Variants in GALNT14 observed in about 807,000 individuals in gnomAD.
The protein encoded by GALNT14 is UDP-GalNAc:polypeptide N-acetylgalactosaminyltransferase 14.
A neutral mutation model predicts 77.5 loss-of-function variants in GALNT14; 60 were observed. The ratio of observed to expected loss-of-function variants is 0.77; its 90% confidence interval spans 0.63 to 0.96. GALNT14 has a LOEUF of 0.96. Ranked by LOEUF, GALNT14 falls within the 40% of genes least tolerant of loss-of-function variation. The pLI, the probability that GALNT14 is intolerant of heterozygous loss-of-function variation, is 0.00. For synonymous variants in GALNT14, 280 were observed against 281.7 expected (o/e 0.99, Z 0.06); for missense variants, 710 against 731.0 (o/e 0.97, Z 0.33).
chr2:31,025,699 G>C (rs1672006631), intron 1 of GALNT14, among the ~76,000 whole-genome samples: 2 of 152,170 alleles, frequency 1.3e-5, no homozygotes, highest in African/African-American at 4.8e-5. Context: ...GTGCATGTGA[G>C]TTCTCCAGAG....
chr2:30,914,141 C>A (rs1208921194), intron 13 of GALNT14, among the ~76,000 whole-genome samples: 3 of 152,220 alleles, frequency 2.0e-5, no homozygotes, highest in African/African-American at 7.2e-5. Context: ...CAACTTTACA[C>A]AGATTGATTA....
intron 1 of GALNT14, among the ~76,000 whole-genome samples, chr2:31,024,085 C>G (rs1671898510): frequency 8.0e-6 from 1 of 124,614 alleles, no homozygotes; most frequent in East Asian, 2.8e-4. Context: ...TTCCCATTTC[C>G]CCAGCCTTGA....
At chr2:30,902,532 T>G in the GALNT14 span, among the ~76,000 whole-genome samples, 1,670 of 152,202 alleles carry the variant, frequency 0.011, 36 homozygotes, top group African/African-American at 0.039. Flanking sequence ...CACATCAAAA[T>G]AGGCTGAGAT....
intron 1 of GALNT14, among the ~76,000 whole-genome samples, chr2:31,008,397 A>T (rs1030468900): frequency 2.0e-5 from 3 of 152,116 alleles, no homozygotes; most frequent in Non-Finnish European, 4.4e-5. Flanking sequence ...GCACCCTGCC[A>T]ACCCTCAGAT....
chr2:31,046,383 C>G (rs556347474), intron 1 of GALNT14, among the ~76,000 whole-genome samples: 1 of 152,060 alleles, frequency 6.6e-6, no homozygotes, highest in Non-Finnish European at 1.5e-5. Flanking sequence ...CGTGCCACCA[C>G]GCCCAGCTAA....
chr2:31,004,159 C>T (rs1243952910), intron 1 of GALNT14, among the ~76,000 whole-genome samples: 1 of 152,190 alleles, frequency 6.6e-6, no homozygotes, highest in Non-Finnish European at 1.5e-5. Flanking sequence ...GTTCAGAGAC[C>T]AGAGCGGCAA....
Position 30,944,948 on chromosome 2 carries a change from A to G in GALNT14, c.743-6T>C. On this transcript the variant is annotated splice_region_variant and splice_polypyrimidine_tract_variant and intron_variant, in intron 7 of 14. Transcript: ENST00000349752. ...GTGGAGGCTCCAGTCAAACCCTACA[A>G]CACAGCACCAACCCACCTGCTTTGG... 3 of 1,600,132 alleles carry G rather than the reference A, an allele frequency of 1.9e-6. No homozygotes were observed. Among genetic ancestry groups the G allele is most frequent in the Non-Finnish European group, 2.6e-6 (3 of 1,171,314 alleles).
chr2:30,960,533 T>G (rs1032828300), intron 3 of GALNT14, among the ~76,000 whole-genome samples: 1 of 152,080 alleles, frequency 6.6e-6, no homozygotes, highest in Non-Finnish European at 1.5e-5. Flanking sequence ...AATTAGACCA[T>G]TTCGTGGTAA....
chr2:30,940,668 A>G (rs773047136), intron 9 of GALNT14, among the ~76,000 whole-genome samples: 7 of 152,246 alleles, frequency 4.6e-5, no homozygotes, highest in Non-Finnish European at 8.8e-5. Context: ...TTGTCAAGAC[A>G]TAAAAATGGG....
rs4020220 is a variant in GALNT14 at position 31,130,734 on chromosome 2, CTGTGTGTG to C, written c.129+7216_129+7223del. ...TCCTGCAGAATTCCCCAGGGTACCT[CTGTGTGTG>C]TGTGTGTGTGTGTGTGTGTGTGTGT... On this transcript the variant is annotated intron_variant, in intron 1 of 14. Coordinates refer to ENST00000349752, the MANE Select transcript of GALNT14 (RefSeq NM_024572.4). Among the ~76,000 whole-genome samples, 989 of 117,514 alleles carry C rather than the reference CTGTGTGTG, an allele frequency of 8.4e-3. 13 individuals carry two copies. Among genetic ancestry groups the C allele is most frequent in the Middle Eastern group, 0.02 (4 of 202 alleles). 77.1% of individuals were successfully genotyped at this position (117,514 alleles called of 152,430 possible). A position where few individuals can be genotyped will look rare whatever the true frequency, so the allele number is the denominator to read the frequency against.
chr2:31,052,038 G>A (rs897937538), intron 1 of GALNT14, among the ~76,000 whole-genome samples: 5 of 152,140 alleles, frequency 3.3e-5, no homozygotes, highest in Non-Finnish European at 7.3e-5. Context: ...CACCTGCCAA[G>A]GAGATACCCC....
chr2:31,036,731 T>C (rs1030897181), intron 1 of GALNT14, among the ~76,000 whole-genome samples: 1 of 152,232 alleles, frequency 6.6e-6, no homozygotes, highest in African/African-American at 2.4e-5. Context: ...GAGAATGTTT[T>C]AATTTCTCCT....
chr2:31,046,747 A>G (rs1182175704), intron 1 of GALNT14, among the ~76,000 whole-genome samples: 1 of 152,154 alleles, frequency 6.6e-6, no homozygotes, highest in Non-Finnish European at 1.5e-5. Flanking sequence ...AGGAACCTAC[A>G]GTATTTTTTT....
At chr2:31,020,799 C>T (rs1671666477) in intron 1 of GALNT14, among the ~76,000 whole-genome samples, 1 of 152,220 alleles carries the variant, frequency 6.6e-6, no homozygotes, top group African/African-American at 2.4e-5. Flanking sequence ...CTGCATCTAG[C>T]TGATCCTCTC....
At chr2:31,021,831 A>C (rs1671740181) in intron 1 of GALNT14, among the ~76,000 whole-genome samples, 1 of 152,244 alleles carries the variant, frequency 6.6e-6, no homozygotes, top group Non-Finnish European at 1.5e-5. Flanking sequence ...GCCGGAAGTC[A>C]GAGGACTTGA....
intron 1 of GALNT14, among the ~76,000 whole-genome samples, chr2:31,047,899 G>A (rs368691936): frequency 6.6e-6 from 1 of 152,226 alleles, no homozygotes; most frequent in African/African-American, 2.4e-5. Flanking sequence ...GGAGCTGTGG[G>A]GTGGGCACCG....
At chr2:31,043,977 G>A (rs1673262569) in intron 1 of GALNT14, among the ~76,000 whole-genome samples, 1 of 152,092 alleles carries the variant, frequency 6.6e-6, no homozygotes, top group Non-Finnish European at 1.5e-5. Flanking sequence ...ACCAGCACTG[G>A]AAGGCCCCGC....
At chr2:31,042,857 A>G (rs1241827360) in intron 1 of GALNT14, among the ~76,000 whole-genome samples, 1 of 152,094 alleles carries the variant, frequency 6.6e-6, no homozygotes, top group Non-Finnish European at 1.5e-5. Flanking sequence ...CCCAAAGTCT[A>G]TTTGCAATAC....
chr2:30,967,892 C>A (rs952092161), intron 2 of GALNT14, among the ~76,000 whole-genome samples: 10 of 152,218 alleles, frequency 6.6e-5, no homozygotes, highest in Non-Finnish European at 1.3e-4. Flanking sequence ...GTCTTGTATG[C>A]TGCCATGACT....
Sources: allele counts gnomAD v4.1 joint callset (sites outside exome capture counted in the v4.1 genomes callset), GRCh38; gene constraint gnomAD v4.1.1; transcripts MANE v1.5; gene names NCBI Gene and HGNC (gene_info 2026-07-23, HGNC 2026-07-21).